Variants in AJAP1 observed in about 807,000 individuals in gnomAD.
The protein encoded by AJAP1 is adherens junction-associated protein 1.
In AJAP1, 5 loss-of-function variants were observed where a neutral mutation model predicts 35.0. The observed-to-expected ratio is 0.14, with a 90% confidence interval of 0.07 to 0.30. The LOEUF is 0.30. Among genes scored for constraint, AJAP1 ranks in the 10% least tolerant of loss-of-function variants. The pLI is 1.00. For missense variants in AJAP1, 586 were observed against 571.0 expected, an observed-to-expected ratio of 1.03 and a Z score of -0.27; for synonymous variants, 284 against 249.3, an observed-to-expected ratio of 1.14 and a Z score of -1.31.
chr1:4,758,859 G>A (rs549018106), intron 2 of AJAP1, among the ~76,000 whole-genome samples: 2 of 152,334 alleles, frequency 1.3e-5, no homozygotes, highest in African/African-American at 4.8e-5. Flanking sequence ...CTGAGTCCCA[G>A]ACGCTGCTCT....
chr1:4,727,191 A>C (rs1640683332), intron 2 of AJAP1, among the ~76,000 whole-genome samples: 1 of 152,184 alleles, frequency 6.6e-6, no homozygotes, highest in South Asian at 2.1e-4. Context: ...GCAGGAGACG[A>C]ACGCTGCATC....
intron 1 of AJAP1, among the ~76,000 whole-genome samples, chr1:4,674,596 G>A (rs1639321262): frequency 6.6e-6 from 1 of 152,228 alleles, no homozygotes; most frequent in South Asian, 2.1e-4. Flanking sequence ...CTGAGCCCCA[G>A]CAGCTGGGTA....
intron 4 of AJAP1, among the ~76,000 whole-genome samples, chr1:4,773,111 C>A (rs745566276): frequency 9.9e-5 from 15 of 152,200 alleles, no homozygotes; most frequent in Non-Finnish European, 1.6e-4. Flanking sequence ...AAAGGTTTGT[C>A]CAGAATTAAA....
At chr1:4,659,400 C>A (rs1004583409) in intron 1 of AJAP1, among the ~76,000 whole-genome samples, 1 of 152,136 alleles carries the variant, frequency 6.6e-6, no homozygotes, top group Non-Finnish European at 1.5e-5. Flanking sequence ...CTAGAGCAGG[C>A]AAACGTGGTA....
rs535983447 is a variant in AJAP1 at position 4,704,473 on chromosome 1, A to G, written c.30-7427A>G. ...TTTCCAATTTCATCCATGTCCTTACAAAGGACATGAACTCATCATTTTTTA... is the reference window on the plus strand; with the variant it reads ...TTTCCAATTTCATCCATGTCCTTACGAAGGACATGAACTCATCATTTTTTA... On this transcript the variant is annotated intron_variant, in intron 1 of 5. Transcript: ENST00000378191. Among the ~76,000 whole-genome samples the G allele has an allele frequency of 5.3e-5, 8 of 152,238 alleles. No homozygotes were observed. The East Asian group carries it at 1.5e-3, about 29-fold the overall frequency.
chr1:4,761,173 C>T (rs1021379531), intron 2 of AJAP1, among the ~76,000 whole-genome samples: 2 of 152,238 alleles, frequency 1.3e-5, no homozygotes, highest in African/African-American at 4.8e-5. Flanking sequence ...ACCTCGTCCT[C>T]ACCCCATTCC....
chr1:4,689,387 G>A (rs77278319), intron 1 of AJAP1, among the ~76,000 whole-genome samples: 2,960 of 152,312 alleles, frequency 0.019, 51 homozygotes, highest in Non-Finnish European at 0.032. Context: ...GTGGAGCCTC[G>A]CGCAGCCCAC....
In AJAP1 at chr1:4,784,460, T is replaced by C. The variant is rs1408341660; in HGVS notation, c.*1975T>C. 2 of 152,304 alleles carry C rather than the reference T, an allele frequency of 1.3e-5. No homozygotes were observed. The highest frequency in any genetic ancestry group is 3.9e-4 in the East Asian group (2 of 5,180). 9.4% of individuals were successfully genotyped at this position (152,304 alleles called of 1,614,324 possible). On this transcript the variant is annotated 3_prime_UTR_variant, in exon 6 of 6. Coordinates refer to ENST00000378191, the MANE Select transcript of AJAP1 (RefSeq NM_018836.4). ...ACAGGCCAGGCAAAAAGGTTAAAGATCAGACAGACAGCTGACCTTACTGCC... is the reference window on the plus strand; with the variant it reads ...ACAGGCCAGGCAAAAAGGTTAAAGACCAGACAGACAGCTGACCTTACTGCC...
At chr1:4,709,668 A>C (rs376910049) in intron 1 of AJAP1, among the ~76,000 whole-genome samples, 14 of 152,112 alleles carry the variant, frequency 9.2e-5, no homozygotes, top group African/African-American at 3.4e-4. Context: ...GGGGAATTTC[A>C]CCCTAACCTA....
At chr1:4,710,824 C>T (rs1172772509) in intron 1 of AJAP1, among the ~76,000 whole-genome samples, 1 of 152,240 alleles carries the variant, frequency 6.6e-6, no homozygotes, top group Admixed American at 6.5e-5. Flanking sequence ...ACGTGGCTCT[C>T]TGCCGCGCCC....
At chr1:4,756,424 C>G (rs940300725) in intron 2 of AJAP1, among the ~76,000 whole-genome samples, 17 of 152,196 alleles carry the variant, frequency 1.1e-4, no homozygotes, top group African/African-American at 3.6e-4. Flanking sequence ...AACTCCTCAG[C>G]AGGGGCTTGT....
intron 2 of AJAP1, among the ~76,000 whole-genome samples, chr1:4,718,912 C>T (rs1323163702): frequency 6.6e-6 from 1 of 152,192 alleles, no homozygotes; most frequent in Non-Finnish European, 1.5e-5. Context: ...AATGAACACT[C>T]TCCTCTACCT....
intron 1 of AJAP1, among the ~76,000 whole-genome samples, chr1:4,657,429 A>G (rs1018763968): frequency 6.6e-6 from 1 of 152,052 alleles, no homozygotes; most frequent in African/African-American, 2.4e-5. Context: ...CCAGAGAAGG[A>G]GGCCTGTACC....
intron 2 of AJAP1, among the ~76,000 whole-genome samples, chr1:4,725,414 GT>G (rs1166836662): frequency 2.0e-5 from 3 of 152,120 alleles, no homozygotes; most frequent in Non-Finnish European, 2.9e-5. Context: ...CAGGGCTGTC[GT>G]CATGGTCCCC....
At chr1:4,775,532 C>T (rs1054934373) in intron 5 of AJAP1, among the ~76,000 whole-genome samples, 4 of 152,188 alleles carry the variant, frequency 2.6e-5, no homozygotes, top group Admixed American at 2.6e-4. Flanking sequence ...CAGGGGCCCG[C>T]GGACAGGGAA....
chr1:4,677,971 G>C (rs527755891), intron 1 of AJAP1, among the ~76,000 whole-genome samples: 1 of 152,298 alleles, frequency 6.6e-6, no homozygotes, highest in South Asian at 2.1e-4. Flanking sequence ...CTGGTGGCTC[G>C]TAGAGGATGT....
intron 1 of AJAP1, among the ~76,000 whole-genome samples, chr1:4,660,118 T>G (rs1557597336): frequency 6.6e-6 from 1 of 152,242 alleles, no homozygotes; most frequent in Non-Finnish European, 1.5e-5. Context: ...CCACCAGAGC[T>G]GGAACACCTC....
chr1:4,716,900 A>G (rs1372102242), intron 2 of AJAP1, among the ~76,000 whole-genome samples: 1 of 152,136 alleles, frequency 6.6e-6, no homozygotes, highest in African/African-American at 2.4e-5. Flanking sequence ...GGCGCTCTGT[A>G]CAGAAGTGTA....
chr1:4,775,562 G>T (rs1361947381), intron 5 of AJAP1, among the ~76,000 whole-genome samples: 1 of 152,226 alleles, frequency 6.6e-6, no homozygotes, highest in Non-Finnish European at 1.5e-5. Flanking sequence ...GACTCAGCTG[G>T]CTGCACCTTG....
Sources: gnomAD v4.1 joint callset for allele counts (sites outside exome capture counted in the v4.1 genomes callset) on GRCh38, gnomAD v4.1.1 for gene constraint, MANE v1.5 for transcripts, NCBI Gene and HGNC (gene_info 2026-07-23, HGNC 2026-07-21) for gene names.